Variants in SLC17A1 observed in about 807,000 individuals in gnomAD.
SLC17A1 encodes the protein solute carrier family 17 member 1.
In SLC17A1, 51 loss-of-function variants were observed where a neutral mutation model predicts 53.5. That is an observed-to-expected ratio of 0.95 (90% CI 0.76 to 1.20). SLC17A1 has a LOEUF of 1.20. Among genes scored for constraint, SLC17A1 ranks in the 50% most tolerant of loss-of-function variants. The probability of loss-of-function intolerance (pLI) is 0.00; values close to 1 mark genes in which losing one functional copy is unlikely to be tolerated. For synonymous variants in SLC17A1, 179 were observed against 198.8 expected, an observed-to-expected ratio of 0.90 and a Z score of 0.84; for missense variants, 538 against 568.2, an observed-to-expected ratio of 0.95 and a Z score of 0.54.
At chr6:25,726,466 C>T in the SLC17A1 span, 3 of 1,613,974 alleles carry the variant, frequency 1.9e-6, no homozygotes, top group Non-Finnish European at 2.5e-6. Context: ...CAAACCCGCT[C>T]TAGAAGAGCG....
intron 12 of SLC17A1, among the ~76,000 whole-genome samples, chr6:25,788,425 C>G (rs894920760): frequency 6.6e-6 from 1 of 152,130 alleles, no homozygotes; most frequent in African/African-American, 2.4e-5. Context: ...TAATGGCTAA[C>G]CTGGGGATGC....
downstream of SLC17A1, chr6:25,778,911 G>T: frequency 5.0e-6 from 5 of 994,218 alleles, no homozygotes. Flanking sequence ...ATGTACTTGA[G>T]TATTCTAGGA....
At chr6:25,743,068 T>C in the SLC17A1 span, among the ~76,000 whole-genome samples, 1 of 152,132 alleles carries the variant, frequency 6.6e-6, no homozygotes, top group Non-Finnish European at 1.5e-5. Context: ...GTAGAACACC[T>C]GGGAAGCCAT....
At chr6:25,774,862 C>T in the SLC17A1 span, among the ~76,000 whole-genome samples, 3 of 152,226 alleles carry the variant, frequency 2.0e-5, no homozygotes, top group Non-Finnish European at 4.4e-5. Context: ...TTGACAGCCT[C>T]GGCTTACGCA....
the SLC17A1 span, among the ~76,000 whole-genome samples, chr6:25,738,857 C>A: frequency 6.6e-6 from 1 of 152,070 alleles, no homozygotes; most frequent in African/African-American, 2.4e-5. Context: ...ACTTACTGGG[C>A]AACTAAAATT....
At chr6:25,821,565 G>T (rs1645898369) in intron 3 of SLC17A1, among the ~76,000 whole-genome samples, 1 of 152,220 alleles carries the variant, frequency 6.6e-6, no homozygotes, top group East Asian at 1.9e-4. Context: ...AGGTGGGCCA[G>T]CAGGCATTTG....
At chr6:25,732,860 G>C in the SLC17A1 span, 1 of 322,496 alleles carries the variant, frequency 3.1e-6, no homozygotes, top group Non-Finnish European at 5.9e-6. Context: ...GAAGTGACTT[G>C]AATGTCTAAT....
At chr6:25,726,668 G>A in the SLC17A1 span, 13 of 1,184,542 alleles carry the variant, frequency 1.1e-5, no homozygotes, top group South Asian at 6.1e-5. Context: ...TACTAGAATC[G>A]CCTCATTTGC....
At chr6:25,799,177 AT>A (rs768729076) in intron 11 of SLC17A1, among the ~76,000 whole-genome samples, 85 of 152,170 alleles carry the variant, frequency 5.6e-4, no homozygotes, top group African/African-American at 1.9e-3. Flanking sequence ...TAATTAACTG[AT>A]TTTTTTAATC....
chr6:25,779,159 G>C (rs745468889), downstream of SLC17A1: 32 of 1,613,694 alleles, frequency 2.0e-5, no homozygotes, highest in Non-Finnish European at 2.6e-5. Context: ...GCAGGACTGG[G>C]CTAAAGAGCA....
the SLC17A1 span, chr6:25,726,982 A>AT: frequency 1.1e-5 from 17 of 1,614,206 alleles, no homozygotes; most frequent in Non-Finnish European, 1.4e-5. Flanking sequence ...AAGACCCAGA[A>AT]AAAGGAAGGC....
chr6:25,831,717 T>C (rs1326080708), intron 1 of SLC17A1, among the ~76,000 whole-genome samples: 3 of 152,066 alleles, frequency 2.0e-5, no homozygotes, highest in African/African-American at 4.8e-5. Context: ...GCCACACACA[T>C]TACAGACACA....
chr6:25,766,598 G>A, the SLC17A1 span, among the ~76,000 whole-genome samples: 2 of 152,156 alleles, frequency 1.3e-5, no homozygotes, highest in Non-Finnish European at 2.9e-5. Flanking sequence ...CAACTCAACA[G>A]TAAGAAGTCT....
chr6:25,735,047 G>T, the SLC17A1 span, among the ~76,000 whole-genome samples: 1 of 152,208 alleles, frequency 6.6e-6, no homozygotes, highest in African/African-American at 2.4e-5. Context: ...TATCATTTCA[G>T]TAACTCGCTT....
At chr6:25,807,144 A>T (rs749912460) in intron 10 of SLC17A1, among the ~76,000 whole-genome samples, 1 of 152,180 alleles carries the variant, frequency 6.6e-6, no homozygotes. Flanking sequence ...TTGAAAGTAG[A>T]TCTACCATTC....
chr6:25,811,091 G>A (rs1764137895), intron 10 of SLC17A1, among the ~76,000 whole-genome samples: 1 of 152,096 alleles, frequency 6.6e-6, no homozygotes, highest in Admixed American at 6.6e-5. Flanking sequence ...CAGGCACTGG[G>A]AGTGAGATGT....
chr6:25,755,255 C>T, the SLC17A1 span, among the ~76,000 whole-genome samples: 12 of 152,186 alleles, frequency 7.9e-5, no homozygotes, highest in African/African-American at 2.6e-4. Context: ...TTAATGAAAA[C>T]CAAACGGTTC....
At chr6:25,726,453 C>T in the SLC17A1 span, 2 of 1,614,040 alleles carry the variant, frequency 1.2e-6, no homozygotes, top group South Asian at 2.2e-5. Context: ...CTACGGGAAA[C>T]TGCAAACCCG....
At chr6:25,816,714 T>G (rs1764369285) in intron 6 of SLC17A1, among the ~76,000 whole-genome samples, 5 of 152,216 alleles carry the variant, frequency 3.3e-5, no homozygotes, top group Admixed American at 3.3e-4. Flanking sequence ...AGACAGATTA[T>G]GCAATGATTT....
Sources: allele counts gnomAD v4.1 joint callset (sites outside exome capture counted in the v4.1 genomes callset), GRCh38; gene constraint gnomAD v4.1.1; transcripts MANE v1.5; gene names NCBI Gene and HGNC (gene_info 2026-07-23, HGNC 2026-07-21).